Variants in BATF3 observed in about 807,000 individuals in gnomAD.
The protein encoded by BATF3 is basic leucine zipper transcriptional factor ATF-like 3.
In BATF3, 8 loss-of-function variants were observed where a neutral mutation model predicts 16.1. The observed-to-expected ratio is 0.50, with a 90% CI of 0.29 to 0.90. The LOEUF (loss-of-function observed/expected upper bound fraction) is 0.90. Among genes scored for constraint, BATF3 ranks in the 40% least tolerant of loss-of-function variants. The probability of loss-of-function intolerance (pLI) is 0.08; values close to 1 mark genes in which losing one functional copy is unlikely to be tolerated. For missense variants in BATF3, 139 were observed against 167.0 expected (o/e 0.83, Z 0.92); for synonymous variants, 74 against 72.7 (o/e 1.02, Z -0.09).
rs1358198704 is a variant in BATF3, at chr1:212,689,202, T to C, written c.196-2223A>G. 6.6e-6 allele frequency among the ~76,000 whole-genome samples: 1 copy of C among 152,204 alleles called. No individual in the cohort carries two copies. Among genetic ancestry groups the C allele is most frequent in the African/African-American group, 2.4e-5 (1 of 41,442 alleles). Reference sequence around the variant, plus strand: ...AGGAACTTCTGCTACTCCTCTCCTCTACCCCCTGCCTGATGCGCCACAGCA... The same window carrying C: ...AGGAACTTCTGCTACTCCTCTCCTCCACCCCCTGCCTGATGCGCCACAGCA... On this transcript the variant is annotated intron_variant, in intron 2 of 2. Transcript: ENST00000243440. This position sits in a 1 kb window ranked among gnomAD's most constrained non-coding sequence, Gnocchi z 4.6.
rs773107241 is a variant in BATF3 at position 212,694,108 on chromosome 1, G to A, written c.195+2853C>T. Among the ~76,000 whole-genome samples the A allele has an allele frequency of 9.9e-5, 15 of 152,138 alleles. 1 individual carries two copies. The highest frequency in any genetic ancestry group is 4.2e-4 in the South Asian group (2 of 4,818). ...CAGAGTAACGCAGCCTGAGAAAAAC[G>A]CAACCGGCCATTGCTGGCTCAAGGA... On this transcript the variant is annotated intron_variant, in intron 2 of 2. Coordinates refer to ENST00000243440, the MANE Select transcript of BATF3 (RefSeq NM_018664.3).
At position 212,699,091 on chromosome 1, in the gene BATF3, G is replaced by T. The variant is rs369388210; in HGVS notation, c.90+582C>A. On this transcript the variant is annotated intron_variant, in intron 1 of 2. Transcript: ENST00000243440. This position sits in a 1 kb window ranked among gnomAD's most constrained non-coding sequence, Gnocchi z 4.4. ...GCAAAGTTTCCAGACGGCCGTCCCT[G>T]TGGCCAACCTGGTCTCCTTCCTGAC... Among the ~76,000 whole-genome samples the T allele has an allele frequency of 4.6e-5, 7 of 152,260 alleles. No homozygotes were observed. Among genetic ancestry groups the T allele is most frequent in the African/African-American group, 1.7e-4 (7 of 41,476 alleles).
chr1:212,690,323 T>C (rs1010428082), intron 2 of BATF3, among the ~76,000 whole-genome samples: 2 of 152,220 alleles, frequency 1.3e-5, no homozygotes, highest in Admixed American at 6.5e-5. Context: ...GAGGCTTCCC[T>C]GAGGTCCACT....
rs539750323 is a variant in BATF3, at chr1:212,689,847, CCA to C, written c.196-2870_196-2869del. ...CTCACACACACACACTCATACACAA[CCA>C]CAGACACACACACAGATACACACAG... On this transcript the variant is annotated intron_variant, in intron 2 of 2. Coordinates refer to ENST00000243440, the MANE Select transcript of BATF3 (RefSeq NM_018664.3). The surrounding 1 kb of genome is among the most constrained non-coding windows in gnomAD (Gnocchi z 4.6). Among the ~76,000 whole-genome samples the C allele has an allele frequency of 7.2e-3, 1,071 of 148,720 alleles. 3 individuals carry two copies. Among genetic ancestry groups the C allele is most frequent in the Non-Finnish European group, 0.012 (783 of 67,080 alleles).
chr1:212,696,249 T>G (rs1657124960), intron 2 of BATF3, among the ~76,000 whole-genome samples: 1 of 152,122 alleles, frequency 6.6e-6, no homozygotes, highest in East Asian at 1.9e-4. Flanking sequence ...CGAAGAGGGT[T>G]AGGAAAACTA....
In BATF3 at chr1:212,699,190, G is replaced by A. The variant is rs1657201179; in HGVS notation, c.90+483C>T. On this transcript the variant is annotated intron_variant, in intron 1 of 2. Transcript: ENST00000243440. This position sits in a 1 kb window ranked among gnomAD's most constrained non-coding sequence, Gnocchi z 4.4. ...AGGGTTTCCACCAGCTGGGGGCGGA[G>A]TCGGCCCTTTGTGGGTTCCCTCCGC... 1.3e-5 allele frequency among the ~76,000 whole-genome samples: 2 copies of A among 152,258 alleles called. No individual in the cohort carries two copies. Among genetic ancestry groups the A allele is most frequent in the South Asian group, 4.1e-4 (2 of 4,836 alleles).
In BATF3 at chr1:212,699,609, C is replaced by T. The variant is rs1657220349; in HGVS notation, c.90+64G>A. ...ACCACGGAACTCCAGCACCCACCTC[C>T]TCGCCCCCCGCGGCGCGCCGGTCCC... On this transcript the variant is annotated intron_variant, in intron 1 of 2. Transcript: ENST00000243440. This position sits in a 1 kb window ranked among gnomAD's most constrained non-coding sequence, Gnocchi z 4.4. 8.1e-7 allele frequency: 1 copy of T among 1,229,630 alleles called. No homozygotes were observed. Among genetic ancestry groups the T allele is most frequent in the East Asian group, 3.2e-5 (1 of 31,262 alleles). 76.2% of individuals were successfully genotyped at this position (1,229,630 alleles called of 1,614,324 possible).
intron 2 of BATF3, among the ~76,000 whole-genome samples, chr1:212,695,938 G>A (rs888414807): frequency 6.6e-6 from 1 of 152,150 alleles, no homozygotes; most frequent in Non-Finnish European, 1.5e-5. Context: ...AATGAGAAGA[G>A]AAAGTCTCAG....
chr1:212,688,108 C>T (rs947670227), intron 2 of BATF3, among the ~76,000 whole-genome samples: 2 of 151,672 alleles, frequency 1.3e-5, no homozygotes, highest in Non-Finnish European at 2.9e-5. Context: ...GATCCAAACA[C>T]TCTCACTTTC....
At chr1:212,696,839 C>A (rs1657143711) in intron 2 of BATF3, 122 bp downstream of exon 2, 3 of 745,746 alleles carry the variant, frequency 4.0e-6, no homozygotes, top group Non-Finnish European at 7.0e-6. Flanking sequence ...CTGGAAGGAC[C>A]TGGCAGAAAT....
chr1:212,690,739 G>A (rs1656981787), intron 2 of BATF3, among the ~76,000 whole-genome samples: 1 of 152,208 alleles, frequency 6.6e-6, no homozygotes, highest in African/African-American at 2.4e-5. Context: ...CAAATCCTTT[G>A]CCATGGGAGG....
At chr1:212,690,301 G>A (rs1656972723) in intron 2 of BATF3, among the ~76,000 whole-genome samples, 1 of 152,218 alleles carries the variant, frequency 6.6e-6, no homozygotes, top group Non-Finnish European at 1.5e-5. Flanking sequence ...GCCGTGCGCA[G>A]CCCTGTGGCC....
At position 212,686,723 on chromosome 1, in the gene BATF3, G is replaced by C; in HGVS notation, c.*68C>G. The C allele has an allele frequency of 6.5e-7, 1 of 1,530,600 alleles. No individual in the cohort carries two copies. Among genetic ancestry groups the C allele is most frequent in the Non-Finnish European group, 8.8e-7 (1 of 1,139,378 alleles). The allele number at this position is 1,530,600 out of a possible 1,614,324, so 94.8% of individuals were successfully genotyped here. A position where few individuals can be genotyped will look rare whatever the true frequency, so the allele number is the denominator to read the frequency against. ...GGTGCCCCCTGTATACAATTGTGAAGGAAAAGCCTTCCTCCCAGGTATGAA... is the reference window on the plus strand; with the variant it reads ...GGTGCCCCCTGTATACAATTGTGAACGAAAAGCCTTCCTCCCAGGTATGAA... On this transcript the variant is annotated 3_prime_UTR_variant, in exon 3 of 3. Transcript: ENST00000243440.
chr1:212,696,819 G>T, intron 2 of BATF3, 142 bp downstream of exon 2: 1 of 659,534 alleles, frequency 1.5e-6, no homozygotes, highest in Non-Finnish European at 2.7e-6. Context: ...CAAACAGTGA[G>T]AACACTGGGC....
chr1:212,692,783 A>G (rs922038698), intron 2 of BATF3, among the ~76,000 whole-genome samples: 3 of 152,226 alleles, frequency 2.0e-5, no homozygotes, highest in Non-Finnish European at 4.4e-5. Flanking sequence ...ATCCCCCCTC[A>G]GGATATGCAA....
At chr1:212,690,651 C>T (rs919533276) in intron 2 of BATF3, among the ~76,000 whole-genome samples, 4 of 152,144 alleles carry the variant, frequency 2.6e-5, no homozygotes, top group Non-Finnish European at 5.9e-5. Flanking sequence ...TAAACGCAAA[C>T]AAAAAGCAAG....
intron 2 of BATF3, among the ~76,000 whole-genome samples, chr1:212,692,190 G>A (rs1657015616): frequency 6.6e-6 from 1 of 152,176 alleles, no homozygotes; most frequent in East Asian, 1.9e-4. Context: ...GGAGGGGAGG[G>A]AGGTGGCCGA....
At chr1:212,694,121 G>T (rs1051267505) in intron 2 of BATF3, among the ~76,000 whole-genome samples, 2 of 152,150 alleles carry the variant, frequency 1.3e-5, no homozygotes, top group African/African-American at 4.8e-5. Flanking sequence ...ACCGGCCATT[G>T]CTGGCTCAAG....
intron 2 of BATF3, among the ~76,000 whole-genome samples, chr1:212,692,921 G>C (rs1657036165): frequency 6.6e-6 from 1 of 152,234 alleles, no homozygotes; most frequent in South Asian, 2.1e-4. Context: ...GCAGGCAGTG[G>C]CTGTCAGTGG....
Sources: gnomAD v4.1 joint callset for allele counts (sites outside exome capture counted in the v4.1 genomes callset) on GRCh38, gnomAD v4.1.1 for gene constraint, Gnocchi (gnomAD v3.1) non-coding constraint, MANE v1.5 for transcripts, NCBI Gene and HGNC (gene_info 2026-07-23, HGNC 2026-07-21) for gene names.